The following VAV3 variants were observed in gnomAD, a reference collection of about 807,000 sequenced individuals.
VAV3 encodes the protein vav guanine nucleotide exchange factor 3.
A neutral mutation model predicts 131.2 loss-of-function variants in VAV3; 94 were observed. The ratio of observed to expected loss-of-function variants is 0.72; its 90% CI spans 0.61 to 0.85. The LOEUF (loss-of-function observed/expected upper bound fraction) is 0.85, where lower values mean the gene tolerates loss of function less well. Ranked by LOEUF, VAV3 falls within the 40% of genes least tolerant of loss-of-function variation. The probability of loss-of-function intolerance (pLI) is 0.00; values close to 1 mark genes in which losing one functional copy is unlikely to be tolerated. For missense variants in VAV3, 939 were observed against 1,002.7 expected, an observed-to-expected ratio of 0.94 and a Z score of 0.86; for synonymous variants, 349 against 342.0, an observed-to-expected ratio of 1.02 and a Z score of -0.22.
rs776430774 is a variant in VAV3 at position 107,768,527 on chromosome 1, G to A, written c.649-18C>T. 11 of 1,593,542 alleles carry A rather than the reference G, an allele frequency of 6.9e-6. 1 individual carries two copies. The South Asian group carries it at 1.1e-4, about 16-fold the overall frequency. On this transcript the variant is annotated intron_variant, in intron 6 of 26. Coordinates refer to ENST00000370056, the MANE Select transcript of VAV3 (RefSeq NM_006113.5). The stretch of plus-strand genomic sequence containing the variant: ...ATGAAATACTACCAGGAAAGAAGAA[G>A]AAAATAGTAATTAAGTATAACTTGT...
chr1:107,872,193 C>G (rs1670285839), intron 2 of VAV3, among the ~76,000 whole-genome samples: 1 of 152,098 alleles, frequency 6.6e-6, no homozygotes, highest in Non-Finnish European at 1.5e-5. Flanking sequence ...GAATCACTAT[C>G]CAAGCACCTC....
intron 12 of VAV3, among the ~76,000 whole-genome samples, chr1:107,752,570 T>A (rs1441179116): frequency 6.6e-6 from 1 of 152,144 alleles, no homozygotes; most frequent in Non-Finnish European, 1.5e-5. Flanking sequence ...GGGATTGATA[T>A]CTGGGATACA....
intron 1 of VAV3, chr1:107,897,325 C>T (rs1671636444): frequency 6.6e-6 from 1 of 150,584 alleles, no homozygotes; most frequent in African/African-American, 2.4e-5. Flanking sequence ...ACAAAAAGAC[C>T]ACTGTGTCTT....
intron 22 of VAV3, among the ~76,000 whole-genome samples, chr1:107,607,802 T>A (rs1043202493): frequency 1.2e-4 from 19 of 152,212 alleles, no homozygotes; most frequent in African/African-American, 4.6e-4. Context: ...GAGACAAAAT[T>A]TACCTTGTGC....
chr1:107,670,399 A>G (rs1657701376), intron 19 of VAV3, among the ~76,000 whole-genome samples: 1 of 152,258 alleles, frequency 6.6e-6, no homozygotes, highest in Non-Finnish European at 1.5e-5. Context: ...GGGCATTCTC[A>G]GAGCATGTTA....
rs137884933 is a variant in VAV3, at chr1:107,576,747, G to A, written c.2351-2549C>T. On this transcript the variant is annotated intron_variant, in intron 25 of 26. Transcript: ENST00000370056. ...ACAATGGCCTCATCCTTTTGATGTG[G>A]TGCCCAATTCCCACTTTGTTACATC... Among the ~76,000 whole-genome samples, 731 of 152,248 alleles carry A rather than the reference G, an allele frequency of 4.8e-3. 7 individuals carry two copies. Among genetic ancestry groups the A allele is most frequent in the African/African-American group, 0.016 (681 of 41,540 alleles).
intron 2 of VAV3, among the ~76,000 whole-genome samples, chr1:107,829,422 T>C (rs1051555476): frequency 6.6e-6 from 1 of 152,226 alleles, no homozygotes; most frequent in Non-Finnish European, 1.5e-5. Context: ...TAAAGTGTAT[T>C]AGAATTAATT....
chr1:107,752,243 T>C (rs1051509884), intron 12 of VAV3, among the ~76,000 whole-genome samples: 3 of 152,180 alleles, frequency 2.0e-5, no homozygotes, highest in Admixed American at 6.5e-5. Context: ...AGGGAAAGAA[T>C]AGCCTTTTCA....
At chr1:107,830,207 CTT>C (rs879387214) in intron 2 of VAV3, among the ~76,000 whole-genome samples, 4 of 145,732 alleles carry the variant, frequency 2.7e-5, no homozygotes, top group Admixed American at 6.8e-5. Context: ...TAATTACACA[CTT>C]TTTTTTTTTT....
chr1:107,888,386 A>T (rs964013934), intron 1 of VAV3, among the ~76,000 whole-genome samples: 1 of 152,120 alleles, frequency 6.6e-6, no homozygotes, highest in Non-Finnish European at 1.5e-5. Context: ...CCTTTCCCCA[A>T]CTACAAAGGA....
chr1:107,724,965 A>C (rs1226359486), intron 15 of VAV3, among the ~76,000 whole-genome samples: 1 of 152,204 alleles, frequency 6.6e-6, no homozygotes, highest in Non-Finnish European at 1.5e-5. Flanking sequence ...TAACCAGATC[A>C]TATTTGTATT....
intron 15 of VAV3, among the ~76,000 whole-genome samples, chr1:107,740,543 TA>T (rs1197845499): frequency 6.6e-6 from 1 of 152,004 alleles, no homozygotes; most frequent in Non-Finnish European, 1.5e-5. Context: ...TTGGTGGAGT[TA>T]AAAAACATTT....
At chr1:107,630,397 T>C (rs1042323188) in intron 20 of VAV3, among the ~76,000 whole-genome samples, 2 of 124,904 alleles carry the variant, frequency 1.6e-5, no homozygotes, top group Non-Finnish European at 3.6e-5. Context: ...CACTATTTAA[T>C]GGGCACTGTG....
Position 107,745,051 on chromosome 1 carries a change from C to T in VAV3, c.1502+3917G>A, listed in dbSNP as rs113901036. On this transcript the variant is annotated intron_variant, in intron 15 of 26. Transcript: ENST00000370056. ...TTTGGGGAAAACATATCCATAGCTT[C>T]TTAACAAAATTTTGAACATTGCTAT... Among the ~76,000 whole-genome samples, 514 of 152,304 alleles carry T rather than the reference C, an allele frequency of 3.4e-3. 2 individuals are homozygous for T. The highest frequency in any genetic ancestry group is 0.012 in the African/African-American group (501 of 41,576).
intron 1 of VAV3, 151 bp from the exon 2 acceptor site, chr1:107,875,168 G>A (rs965686949): frequency 2.2e-5 from 14 of 650,464 alleles, no homozygotes; most frequent in African/African-American, 1.1e-4. Flanking sequence ...AGTACTGACC[G>A]AGCCTGCAGT....
intron 2 of VAV3, among the ~76,000 whole-genome samples, chr1:107,813,967 A>AGTGC (rs1667443483): frequency 7.4e-6 from 1 of 135,772 alleles, no homozygotes; most frequent in South Asian, 2.6e-4. Context: ...ATAGTACTCC[A>AGTGC]GTGTGTGTGT....
At chr1:107,674,036 C>T (rs1242717719) in intron 19 of VAV3, among the ~76,000 whole-genome samples, 2 of 152,214 alleles carry the variant, frequency 1.3e-5, no homozygotes, top group Non-Finnish European at 2.9e-5. Context: ...TATTGTATTT[C>T]TGTCACTACT....
At chr1:107,646,374 T>TA (rs1655736858) in intron 19 of VAV3, among the ~76,000 whole-genome samples, 1 of 152,080 alleles carries the variant, frequency 6.6e-6, no homozygotes, top group Non-Finnish European at 1.5e-5. Flanking sequence ...ACAGATGTGT[T>TA]AGCTGAGTTA....
intron 1 of VAV3, among the ~76,000 whole-genome samples, chr1:107,951,226 G>C (rs1674516799): frequency 6.6e-6 from 1 of 152,098 alleles, no homozygotes; most frequent in African/African-American, 2.4e-5. Context: ...TTCTTCCTCT[G>C]TAGTAACCAT....
Sources: gnomAD v4.1 joint callset for allele counts (sites outside exome capture counted in the v4.1 genomes callset) on GRCh38, gnomAD v4.1.1 for gene constraint, MANE v1.5 for transcripts, NCBI Gene and HGNC (gene_info 2026-07-23, HGNC 2026-07-21) for gene names.